The following EPHB2 variants were observed in gnomAD, a reference collection of about 807,000 sequenced individuals.
EPHB2 encodes the protein EPH receptor B2.
Under a neutral mutation model 96.4 loss-of-function variants are expected in EPHB2, and 18 were observed. The observed-to-expected ratio is 0.19, with a 90% CI of 0.13 to 0.28. The LOEUF (loss-of-function observed/expected upper bound fraction) is 0.28, where lower values mean the gene tolerates loss of function less well. Ranked by LOEUF, EPHB2 falls within the 10% of genes least tolerant of loss-of-function variation. The pLI is 1.00. For synonymous variants in EPHB2, 506 were observed against 534.1 expected (o/e 0.95, Z 0.72); for missense variants, 989 against 1,355.4 (o/e 0.73, Z 4.25).
chr1:22,814,751 A>G (rs886177889), intron 3 of EPHB2, among the ~76,000 whole-genome samples: 1 of 152,184 alleles, frequency 6.6e-6, no homozygotes, highest in Non-Finnish European at 1.5e-5. Context: ...GGGAAGAAGC[A>G]TGGGCTCCGA....
chr1:22,722,480 G>GTA (rs1643489674), intron 1 of EPHB2, among the ~76,000 whole-genome samples: 1 of 152,192 alleles, frequency 6.6e-6, no homozygotes, highest in South Asian at 2.1e-4. Flanking sequence ...GAGGTTCAAT[G>GTA]ACTTACTCAA....
At chr1:22,754,223 G>C (rs1005214107) in intron 1 of EPHB2, among the ~76,000 whole-genome samples, 1 of 152,064 alleles carries the variant, frequency 6.6e-6, no homozygotes, top group African/African-American at 2.4e-5. Context: ...TGGCTCAAAG[G>C]TGCTCAGAAA....
chr1:22,727,829 A>G (rs1643618339), intron 1 of EPHB2, among the ~76,000 whole-genome samples: 1 of 140,234 alleles, frequency 7.1e-6, no homozygotes, highest in African/African-American at 2.6e-5. Context: ...TTTAATGGAG[A>G]TGGGGTCTCC....
chr1:22,854,149 C>G (rs1438337470), intron 3 of EPHB2, among the ~76,000 whole-genome samples: 1 of 152,112 alleles, frequency 6.6e-6, no homozygotes, highest in Non-Finnish European at 1.5e-5. Context: ...AGTAAACGGG[C>G]AAGAAGGGAA....
chr1:22,781,267 C>T (rs1258188019), intron 1 of EPHB2, among the ~76,000 whole-genome samples, 154 bp from the exon 2 acceptor site: 1 of 148,938 alleles, frequency 6.7e-6, no homozygotes, highest in African/African-American at 2.5e-5. Flanking sequence ...TTGCAGTGAG[C>T]CGAGATCACA....
intron 3 of EPHB2, among the ~76,000 whole-genome samples, chr1:22,813,818 T>C (rs1372599251): frequency 6.6e-6 from 1 of 152,052 alleles, no homozygotes; most frequent in Non-Finnish European, 1.5e-5. Context: ...ATTCTATTCA[T>C]CCCCCCTGAA....
At chr1:22,899,769 G>A (rs1639690148) in intron 9 of EPHB2, among the ~76,000 whole-genome samples, 1 of 152,138 alleles carries the variant, frequency 6.6e-6, no homozygotes, top group African/African-American at 2.4e-5. Flanking sequence ...GAGGTGGGAG[G>A]ATCACTTGAG....
intron 3 of EPHB2, among the ~76,000 whole-genome samples, chr1:22,811,389 C>T (rs1645000069): frequency 6.6e-6 from 1 of 152,222 alleles, no homozygotes; most frequent in African/African-American, 2.4e-5. Context: ...CATCAGTCCC[C>T]ACCATACTTA....
chr1:22,896,621 C>G (rs987744528), intron 9 of EPHB2, 143 bp downstream of exon 9: 4 of 1,107,540 alleles, frequency 3.6e-6, no homozygotes, highest in Middle Eastern at 3.9e-4. Flanking sequence ...TAAGCTCACT[C>G]TCACCTCTAG....
rs1172216899 is a variant in EPHB2, at chr1:22,913,454, TC to T, written c.2853-5del. The T allele has an allele frequency of 6.2e-7, 1 of 1,614,046 alleles. No individual in the cohort carries two copies. The highest frequency in any genetic ancestry group is 1.7e-5 in the Admixed American group (1 of 60,008). On this transcript the variant is annotated splice_polypyrimidine_tract_variant and splice_region_variant and intron_variant, in intron 15 of 15. Transcript: ENST00000374630. This position sits in a 1 kb window ranked among gnomAD's most constrained non-coding sequence, Gnocchi z 4.1. ...TATTTCCCTAACACACGTGCTTCTC[TC>T]CCAAAGGGACATTCTCCGGGTTGGG... is the stretch of plus-strand genomic sequence containing the variant.
chr1:22,779,759 C>T (rs572702320), intron 1 of EPHB2, among the ~76,000 whole-genome samples: 3 of 152,312 alleles, frequency 2.0e-5, no homozygotes, highest in South Asian at 4.1e-4. Context: ...CAAAAGGAGG[C>T]GGTTGGGCTG....
chr1:22,791,463 CTTTCTTTCTT>C (rs1180542103), intron 3 of EPHB2, among the ~76,000 whole-genome samples: 58 of 129,530 alleles, frequency 4.5e-4, no homozygotes, highest in African/African-American at 1.3e-3. Context: ...TTCTTTCTTT[CTTTCTTTCTT>C]TTTTTTTTTT....
intron 5 of EPHB2, among the ~76,000 whole-genome samples, chr1:22,871,386 A>C (rs548559002): frequency 6.6e-6 from 1 of 152,152 alleles, no homozygotes; most frequent in Non-Finnish European, 1.5e-5. Context: ...TACCATCAGC[A>C]TATCCTAGGA....
chr1:22,740,645 T>C (rs1643890362), intron 1 of EPHB2, among the ~76,000 whole-genome samples: 1 of 152,216 alleles, frequency 6.6e-6, no homozygotes, highest in African/African-American at 2.4e-5. Flanking sequence ...CCCACCACCC[T>C]GAGTGTCTTG....
chr1:22,764,083 T>G (rs1418038148), intron 1 of EPHB2, among the ~76,000 whole-genome samples: 2 of 152,214 alleles, frequency 1.3e-5, no homozygotes, highest in Non-Finnish European at 2.9e-5. Context: ...TGTTGCTACG[T>G]AAGGCAACAT....
chr1:22,777,507 CAG>C (rs1644469460), intron 1 of EPHB2, among the ~76,000 whole-genome samples: 1 of 152,136 alleles, frequency 6.6e-6, no homozygotes, highest in Admixed American at 6.6e-5. Flanking sequence ...GTGGTGGAAA[CAG>C]AGCTTGGTTT....
intron 3 of EPHB2, among the ~76,000 whole-genome samples, chr1:22,817,019 C>T (rs1286857475): frequency 6.6e-6 from 1 of 152,190 alleles, no homozygotes. Flanking sequence ...TGGCCGCTGG[C>T]TGAGGTGTTA....
At chr1:22,887,245 G>A (rs1639255816) in intron 6 of EPHB2, among the ~76,000 whole-genome samples, 1 of 152,138 alleles carries the variant, frequency 6.6e-6, no homozygotes, top group African/African-American at 2.4e-5. Flanking sequence ...TGACCTCTCA[G>A]ACAAGTCTGT....
chr1:22,902,800 C>G (rs1270317714), intron 9 of EPHB2, among the ~76,000 whole-genome samples: 1 of 152,094 alleles, frequency 6.6e-6, no homozygotes, highest in Non-Finnish European at 1.5e-5. Context: ...GGTAGAAAAG[C>G]CACACAGACA....
Sources: gnomAD v4.1 joint callset for allele counts (sites outside exome capture counted in the v4.1 genomes callset) on GRCh38, gnomAD v4.1.1 for gene constraint, Gnocchi (gnomAD v3.1) non-coding constraint, MANE v1.5 for transcripts, NCBI Gene and HGNC (gene_info 2026-07-23, HGNC 2026-07-21) for gene names.